CACNA2D3: variants seen among roughly 807,000 people sequenced by gnomAD.
CACNA2D3 encodes the protein voltage-dependent calcium channel subunit alpha-2/delta-3.
In CACNA2D3, 60 loss-of-function variants were observed where a neutral mutation model predicts 160.6. That is an observed-to-expected ratio of 0.37 (90% CI 0.30 to 0.46). The LOEUF is 0.46. Ranked by LOEUF, CACNA2D3 falls within the 20% of genes least tolerant of loss-of-function variation. CACNA2D3 has a pLI of 1.00. For missense variants in CACNA2D3, 1,205 were observed against 1,365.0 expected (o/e 0.88, Z 1.85); for synonymous variants, 558 against 492.9 (o/e 1.13, Z -1.75).
intron 4 of CACNA2D3, among the ~76,000 whole-genome samples, chr3:54,453,444 TG>T (rs1559484987): frequency 6.6e-6 from 1 of 152,142 alleles, no homozygotes; most frequent in Admixed American, 6.5e-5. Flanking sequence ...ACATATCTTT[TG>T]GGGGGACTTA....
At chr3:54,178,686 G>A (rs1016611536) in intron 2 of CACNA2D3, among the ~76,000 whole-genome samples, 2 of 152,156 alleles carry the variant, frequency 1.3e-5, no homozygotes, top group Admixed American at 1.3e-4. Context: ...GTCAGATGCC[G>A]ACTAATTGAT....
chr3:54,270,672 C>T (rs1702603813), intron 2 of CACNA2D3, among the ~76,000 whole-genome samples: 1 of 152,192 alleles, frequency 6.6e-6, no homozygotes, highest in Non-Finnish European at 1.5e-5. Flanking sequence ...CAAGGTGTCA[C>T]CTAGGTTAGC....
chr3:54,831,179 G>T (rs975738067), intron 14 of CACNA2D3, among the ~76,000 whole-genome samples: 5 of 152,142 alleles, frequency 3.3e-5, no homozygotes, highest in Admixed American at 3.3e-4. Flanking sequence ...CACCATTTGT[G>T]CACAACCTTC....
chr3:54,496,231 T>G (rs1160568371), intron 4 of CACNA2D3, among the ~76,000 whole-genome samples: 1 of 152,194 alleles, frequency 6.6e-6, no homozygotes, highest in Non-Finnish European at 1.5e-5. Flanking sequence ...CTGCAAAATG[T>G]TTTTCCAAAG....
intron 2 of CACNA2D3, among the ~76,000 whole-genome samples, chr3:54,198,655 T>C (rs1701123368): frequency 6.6e-6 from 1 of 152,278 alleles, no homozygotes; most frequent in African/African-American, 2.4e-5. Flanking sequence ...GACACTCAGC[T>C]TGGGAGCACT....
intron 2 of CACNA2D3, among the ~76,000 whole-genome samples, chr3:54,236,348 CAA>C (rs1001223356): frequency 1.3e-5 from 2 of 152,174 alleles, no homozygotes; most frequent in African/African-American, 4.8e-5. Context: ...TTGGTTGTGA[CAA>C]ATACACCAAT....
chr3:54,186,659 A>G (rs1700883716), intron 2 of CACNA2D3, among the ~76,000 whole-genome samples: 1 of 152,176 alleles, frequency 6.6e-6, no homozygotes, highest in Non-Finnish European at 1.5e-5. Context: ...TTTTAAGATA[A>G]TAGAACTGCA....
intron 2 of CACNA2D3, among the ~76,000 whole-genome samples, chr3:54,147,578 C>T (rs935920501): frequency 3.3e-5 from 5 of 152,378 alleles, no homozygotes; most frequent in African/African-American, 1.2e-4. Flanking sequence ...CTCTTCCATA[C>T]TCTGTGTGAC....
At chr3:54,413,402 ATATATCTATATATATAGATATC>A (rs1281624923) in intron 4 of CACNA2D3, among the ~76,000 whole-genome samples, 1 of 147,158 alleles carries the variant, frequency 6.8e-6, no homozygotes, top group Non-Finnish European at 1.5e-5. Context: ...ATATATCTAT[ATATATCTATATATATAGATATC>A]TATATATATA....
intron 29 of CACNA2D3, among the ~76,000 whole-genome samples, chr3:54,982,412 C>T (rs1702526812): frequency 6.6e-6 from 1 of 152,140 alleles, no homozygotes; most frequent in South Asian, 2.1e-4. Flanking sequence ...CTAACCCAGT[C>T]CCATCCTTTA....
At position 54,379,570 on chromosome 3, in the gene CACNA2D3, G is replaced by A. The variant is rs79991588; in HGVS notation, c.322-7145G>A. ...TCCATTTCTGCAGGTTATTCATTTC[G>A]CCTTGGTTTATTATCTGATGGTCAT... On this transcript the variant is annotated intron_variant, in intron 3 of 37. Coordinates refer to ENST00000474759, the MANE Select transcript of CACNA2D3 (RefSeq NM_018398.3). Among the ~76,000 whole-genome samples, 13 of 152,284 alleles carry A rather than the reference G, an allele frequency of 8.5e-5. 1 individual carries two copies. The highest frequency in any genetic ancestry group is 3.9e-4 in the East Asian group (2 of 5,192).
intron 2 of CACNA2D3, among the ~76,000 whole-genome samples, chr3:54,237,976 G>A (rs1559891984): frequency 6.6e-6 from 1 of 152,166 alleles, no homozygotes; most frequent in Admixed American, 6.5e-5. Context: ...GAGTCCCTGG[G>A]AGTGGTGTGG....
chr3:54,135,688 T>C (rs185674058), intron 2 of CACNA2D3, among the ~76,000 whole-genome samples: 2 of 152,350 alleles, frequency 1.3e-5, no homozygotes, highest in East Asian at 3.9e-4. Context: ...TAGAGCACTG[T>C]GTGCCCTGAG....
At chr3:54,813,115 A>G (rs1238706641) in intron 13 of CACNA2D3, among the ~76,000 whole-genome samples, 1 of 152,184 alleles carries the variant, frequency 6.6e-6, no homozygotes, top group Non-Finnish European at 1.5e-5. Context: ...GTGTAAACCC[A>G]CAGCACACCA....
chr3:55,040,324 C>T (rs1703929441), intron 35 of CACNA2D3, among the ~76,000 whole-genome samples: 1 of 152,152 alleles, frequency 6.6e-6, no homozygotes, highest in Non-Finnish European at 1.5e-5. Flanking sequence ...TATCTCTTTT[C>T]TCTTACACTA....
chr3:54,348,332 CTGAAAGAGCTG>C (rs1344998025), intron 3 of CACNA2D3, among the ~76,000 whole-genome samples: 1 of 152,134 alleles, frequency 6.6e-6, no homozygotes, highest in Non-Finnish European at 1.5e-5. Flanking sequence ...GATACTGTAG[CTGAAAGAGCTG>C]TGACCCATGA....
chr3:54,185,863 C>A (rs963949959), intron 2 of CACNA2D3, among the ~76,000 whole-genome samples: 2 of 152,198 alleles, frequency 1.3e-5, no homozygotes, highest in African/African-American at 4.8e-5. Flanking sequence ...CCCTGCTGTT[C>A]CTCTGGAGGT....
intron 11 of CACNA2D3, among the ~76,000 whole-genome samples, chr3:54,703,002 T>C (rs1367297505): frequency 6.6e-6 from 1 of 152,158 alleles, no homozygotes; most frequent in Non-Finnish European, 1.5e-5. Flanking sequence ...CTACATGTTT[T>C]CATTTATAAG....
At chr3:54,154,095 C>T (rs181827740) in intron 2 of CACNA2D3, among the ~76,000 whole-genome samples, 4 of 152,226 alleles carry the variant, frequency 2.6e-5, no homozygotes, top group East Asian at 3.9e-4. Flanking sequence ...TTTTAACTCC[C>T]GATAATAAGT....
Sources: gnomAD v4.1 joint callset for allele counts (sites outside exome capture counted in the v4.1 genomes callset) on GRCh38, gnomAD v4.1.1 for gene constraint, MANE v1.5 for transcripts, NCBI Gene and HGNC (gene_info 2026-07-23, HGNC 2026-07-21) for gene names.